KPNA1: variants seen among roughly 807,000 people sequenced by gnomAD.
KPNA1 encodes the protein importin subunit alpha-5.
A neutral mutation model predicts 70.5 loss-of-function variants in KPNA1; 10 were observed. The observed-to-expected ratio is 0.14, with a 90% confidence interval of 0.09 to 0.24. The LOEUF (loss-of-function observed/expected upper bound fraction) is 0.24, where lower values mean the gene tolerates loss of function less well. KPNA1 is among the 10% of genes least tolerant of loss of function. KPNA1 has a pLI of 1.00. For missense variants in KPNA1, 397 were observed against 637.9 expected (o/e 0.62, Z 4.07); for synonymous variants, 192 against 221.9 (o/e 0.87, Z 1.20).
At chr3:122,514,643 T>C (rs2076997530) in intron 1 of KPNA1, 114 bp downstream of exon 1, 2 of 151,976 alleles carry the variant, frequency 1.3e-5, no homozygotes, top group South Asian at 4.2e-4. Flanking sequence ...ACCCCGGCTC[T>C]AGGCCCTGCC....
rs73190140 is a variant in KPNA1, at chr3:122,480,633, T to C, written c.130-13204A>G. Among the ~76,000 whole-genome samples the C allele has an allele frequency of 3.3e-3, 495 of 151,376 alleles. 4 individuals are homozygous for C. Among genetic ancestry groups the C allele is most frequent in the Admixed American group, 4.9e-3 (75 of 15,224 alleles). On this transcript the variant is annotated intron_variant, in intron 2 of 13. Transcript: ENST00000344337. ...AAGGAATAAAGACCATCGGAAACAG[T>C]AATAATGTGGTACAATTTTTTTTAA...
At position 122,423,902 on chromosome 3, in the gene KPNA1, G is replaced by C. The variant is rs377693432; in HGVS notation, c.*3083C>G. ...CTAGGGCAATAGTTTTTTCAAAAGCGGAACTGACAAAGATAAGCGTTTAAA... is the reference window on the plus strand; with the variant it reads ...CTAGGGCAATAGTTTTTTCAAAAGCCGAACTGACAAAGATAAGCGTTTAAA... On this transcript the variant is annotated 3_prime_UTR_variant, in exon 14 of 14. Transcript: ENST00000344337. The C allele has an allele frequency of 6.6e-6, 1 of 152,092 alleles. No individual in the cohort carries two copies. The highest frequency in any genetic ancestry group is 2.4e-5 in the African/African-American group (1 of 41,412). The allele number at this position is 152,092 out of a possible 1,614,324, so 9.4% of individuals were successfully genotyped here.
intron 1 of KPNA1, among the ~76,000 whole-genome samples, chr3:122,503,008 G>A (rs1370226750): frequency 2.0e-5 from 3 of 152,036 alleles, no homozygotes; most frequent in Non-Finnish European, 2.9e-5. Flanking sequence ...TGAGATGGGA[G>A]CATCACTTGA....
intron 2 of KPNA1, among the ~76,000 whole-genome samples, chr3:122,471,973 G>C (rs369832236): frequency 3.5e-4 from 54 of 152,118 alleles, no homozygotes; most frequent in African/African-American, 1.2e-3. Flanking sequence ...ATTGCAAAGA[G>C]AAATAAATGA....
chr3:122,464,658 CT>C (rs550714080), intron 3 of KPNA1, among the ~76,000 whole-genome samples: 2 of 152,206 alleles, frequency 1.3e-5, no homozygotes, highest in Non-Finnish European at 2.9e-5. Flanking sequence ...AAATTTCTTT[CT>C]TGTTTTATTA....
Position 122,451,637 on chromosome 3 carries a change from A to G in KPNA1, c.654-4T>C. ...GCGGTTTTGCTTTGAAAATAACCTA[A>G]AAGCACGATGGTACAATGGTAAACT... On this transcript the variant is annotated splice_region_variant and splice_polypyrimidine_tract_variant and intron_variant, in intron 7 of 13. Coordinates refer to ENST00000344337, the MANE Select transcript of KPNA1 (RefSeq NM_002264.4). 1 of 1,591,122 alleles carries G rather than the reference A, an allele frequency of 6.3e-7. No individual in the cohort carries two copies. Among genetic ancestry groups the G allele is most frequent in the South Asian group, 1.1e-5 (1 of 90,618 alleles).
chr3:122,477,657 G>C (rs1231071722), intron 2 of KPNA1, among the ~76,000 whole-genome samples: 1 of 151,988 alleles, frequency 6.6e-6, no homozygotes, highest in African/African-American at 2.4e-5. Flanking sequence ...CTCCAGCCTG[G>C]GCGACAGAGT....
chr3:122,430,515 AGTGTGT>A (rs10662409), intron 12 of KPNA1, among the ~76,000 whole-genome samples: 153 of 141,470 alleles, frequency 1.1e-3, no homozygotes, highest in Non-Finnish European at 1.9e-3. Context: ...CTGTACTACC[AGTGTGT>A]GTGTGTGTGT....
At position 122,464,019 on chromosome 3, in the gene KPNA1, A is replaced by C; in HGVS notation, c.260T>G (p.Met87Arg). Residue 87 changes from methionine to arginine, a missense_variant, in exon 4 of 14, where the codon ATG becomes AGG. Transcript: ENST00000344337. ...MAPGGVITSD[M>R]IEMIFSKSPE... ...GCTTTTGGAAAATATCATTTCAATC[A>C]TGTCAGAAGTGATGACACCACCCTG... 1 of 1,596,806 alleles carries C rather than the reference A, an allele frequency of 6.3e-7. No individual in the cohort carries two copies. The highest frequency in any genetic ancestry group is 8.5e-7 in the Non-Finnish European group (1 of 1,169,734).
At chr3:122,429,402 G>GT (rs2075867641) in intron 12 of KPNA1, among the ~76,000 whole-genome samples, 2 of 135,494 alleles carry the variant, frequency 1.5e-5, no homozygotes, top group Admixed American at 1.6e-4. Flanking sequence ...AGCCGAGACC[G>GT]TGCCACTGCA....
chr3:122,488,701 C>G, intron 2 of KPNA1, among the ~76,000 whole-genome samples: 1 of 152,202 alleles, frequency 6.6e-6, no homozygotes, highest in Non-Finnish European at 1.5e-5. Context: ...CGATTCTCCA[C>G]TGTCTTCTGG....
At chr3:122,433,843 C>A in intron 11 of KPNA1, 55 bp from the exon 12 acceptor site, 1 of 1,342,414 alleles carries the variant, frequency 7.4e-7, no homozygotes, top group Non-Finnish European at 1.0e-6. Flanking sequence ...TAAAAATATT[C>A]ATGATACTAA....
intron 12 of KPNA1, among the ~76,000 whole-genome samples, chr3:122,430,905 TTAA>T (rs2075896667): frequency 6.6e-6 from 1 of 152,178 alleles, no homozygotes; most frequent in African/African-American, 2.4e-5. Context: ...AGTCGATTAC[TTAA>T]TCATCCTTGT....
Position 122,426,179 on chromosome 3 carries a change from C to CAG in KPNA1, c.*804_*805dup, listed in dbSNP as rs777679316. The CAG allele has an allele frequency of 1.3e-5, 2 of 152,356 alleles. No individual in the cohort carries two copies. The highest frequency in any genetic ancestry group is 2.9e-5 in the Non-Finnish European group (2 of 68,006). 9.4% of individuals were successfully genotyped at this position (152,356 alleles called of 1,614,324 possible). A position where few individuals can be genotyped will look rare whatever the true frequency, so the allele number is the denominator to read the frequency against. On this transcript the variant is annotated 3_prime_UTR_variant, in exon 14 of 14. Transcript: ENST00000344337. The stretch of plus-strand genomic sequence containing the variant: ...GTATTCGAAATCCTCATACCAGCAA[C>CAG]AGAAATGAACCACTTCCAAATTCTA...
At chr3:122,510,038 C>A (rs1342473637) in intron 1 of KPNA1, among the ~76,000 whole-genome samples, 1 of 152,048 alleles carries the variant, frequency 6.6e-6, no homozygotes, top group Non-Finnish European at 1.5e-5. Context: ...TCAAGAGTAA[C>A]CCTGGAAGAA....
Position 122,424,591 on chromosome 3 carries a change from T to G in KPNA1, c.*2394A>C, listed in dbSNP as rs2075798185. The G allele has an allele frequency of 2.0e-5, 3 of 152,680 alleles. No individual in the cohort carries two copies. In the South Asian group the frequency reaches 6.2e-4, roughly 32 times the overall value. 9.5% of individuals were successfully genotyped at this position (152,680 alleles called of 1,614,324 possible). ...TCACGTCAGTTAAATAGACTTTGTT[T>G]TAATTCACTCACTGAAACATCTCCA... On this transcript the variant is annotated 3_prime_UTR_variant, in exon 14 of 14. Coordinates refer to ENST00000344337, the MANE Select transcript of KPNA1 (RefSeq NM_002264.4).
At chr3:122,496,729 G>T (rs537469418) in intron 1 of KPNA1, 159 bp from the exon 2 acceptor site, 10 of 562,254 alleles carry the variant, frequency 1.8e-5, no homozygotes, top group Admixed American at 6.4e-5. Flanking sequence ...TTGAGACAAG[G>T]TCTTGCTCTG....
intron 2 of KPNA1, among the ~76,000 whole-genome samples, chr3:122,469,655 G>A (rs1404502848): frequency 6.6e-6 from 1 of 152,068 alleles, no homozygotes; most frequent in Non-Finnish European, 1.5e-5. Flanking sequence ...AGTTTGGTCT[G>A]GGAACAAAAC....
chr3:122,466,872 A>G (rs539561880), intron 3 of KPNA1, among the ~76,000 whole-genome samples: 1 of 152,202 alleles, frequency 6.6e-6, no homozygotes, highest in South Asian at 2.1e-4. Context: ...ATGGTGGCAC[A>G]TGCCTGTAGT....
Sources: gnomAD v4.1 joint callset for allele counts (sites outside exome capture counted in the v4.1 genomes callset) on GRCh38, gnomAD v4.1.1 for gene constraint, MANE v1.5 for transcripts, NCBI Gene and HGNC (gene_info 2026-07-23, HGNC 2026-07-21) for gene names.